ZBTB7C: variants seen among roughly 807,000 people sequenced by gnomAD.
ZBTB7C encodes the protein zinc finger and BTB domain containing 7C.
A neutral mutation model predicts 25.7 loss-of-function variants in ZBTB7C; 8 were observed. The ratio of observed to expected loss-of-function variants is 0.31; its 90% CI spans 0.18 to 0.56. ZBTB7C has a LOEUF of 0.56. ZBTB7C is among the 20% of genes least tolerant of loss of function. The pLI, the probability that ZBTB7C is intolerant of heterozygous loss-of-function variation, is 0.91. For missense variants in ZBTB7C, 824 were observed against 855.2 expected (o/e 0.96, Z 0.46); for synonymous variants, 394 against 369.0 (o/e 1.07, Z -0.78).
intron 2 of ZBTB7C, among the ~76,000 whole-genome samples, chr18:48,208,748 T>C (rs892513002): frequency 6.6e-6 from 1 of 152,218 alleles, no homozygotes; most frequent in Non-Finnish European, 1.5e-5. Context: ...TCAGACTCTG[T>C]GTGGCAGAAG....
At chr18:48,152,015 G>A (rs931680085) in intron 3 of ZBTB7C, among the ~76,000 whole-genome samples, 6 of 152,180 alleles carry the variant, frequency 3.9e-5, no homozygotes, top group African/African-American at 1.4e-4. Flanking sequence ...GAGGATGGGT[G>A]GGACCAGTTG....
At chr18:48,224,289 G>C (rs1200213020) in intron 2 of ZBTB7C, among the ~76,000 whole-genome samples, 5 of 152,152 alleles carry the variant, frequency 3.3e-5, no homozygotes, top group African/African-American at 1.2e-4. Context: ...AGTCCATGAA[G>C]GTCCCAAATC....
At chr18:48,178,234 C>A (rs1318174182) in intron 3 of ZBTB7C, among the ~76,000 whole-genome samples, 1 of 152,208 alleles carries the variant, frequency 6.6e-6, no homozygotes, top group Non-Finnish European at 1.5e-5. Flanking sequence ...TGGAGGGAGG[C>A]AGTGCCCTCT....
intron 1 of ZBTB7C, among the ~76,000 whole-genome samples, chr18:48,365,398 T>C (rs1047847200): frequency 2.9e-4 from 44 of 152,300 alleles, no homozygotes; most frequent in African/African-American, 9.4e-4. Flanking sequence ...CAATACAATA[T>C]AGCAAAGGTA....
At chr18:48,105,549 C>T (rs1420703186) in intron 3 of ZBTB7C, among the ~76,000 whole-genome samples, 1 of 152,134 alleles carries the variant, frequency 6.6e-6, no homozygotes, top group Non-Finnish European at 1.5e-5. Flanking sequence ...ATTCAATATA[C>T]TTTCCAAATG....
intron 3 of ZBTB7C, among the ~76,000 whole-genome samples, chr18:48,154,958 T>C (rs535780104): frequency 1.6e-4 from 25 of 152,320 alleles, no homozygotes; most frequent in African/African-American, 6.0e-4. Flanking sequence ...TCACCAGCAA[T>C]GCCAATCCTC....
chr18:48,282,319 G>T (rs574961352), intron 2 of ZBTB7C, among the ~76,000 whole-genome samples: 1 of 105,898 alleles, frequency 9.4e-6, no homozygotes, highest in South Asian at 4.4e-4. Context: ...TGTGGGGTGG[G>T]GGGAGGGGGG....
chr18:48,097,633 G>A (rs2144592189), intron 3 of ZBTB7C, among the ~76,000 whole-genome samples: 1 of 152,266 alleles, frequency 6.6e-6, no homozygotes, highest in South Asian at 2.1e-4. Context: ...CTGACCTCAG[G>A]TAATCTACCC....
intron 2 of ZBTB7C, among the ~76,000 whole-genome samples, chr18:48,248,779 T>C (rs534059488): frequency 1.3e-5 from 2 of 152,318 alleles, no homozygotes; most frequent in African/African-American, 4.8e-5. Context: ...AAAGAATTAC[T>C]ATCTCTTCTT....
chr18:48,339,827 G>A (rs1489829790), intron 1 of ZBTB7C, among the ~76,000 whole-genome samples: 5 of 152,094 alleles, frequency 3.3e-5, no homozygotes, highest in Non-Finnish European at 5.9e-5. Flanking sequence ...CAAGAATGTG[G>A]AGGCTCCTAG....
intron 1 of ZBTB7C, among the ~76,000 whole-genome samples, chr18:48,344,472 T>C: frequency 6.6e-6 from 1 of 150,826 alleles, no homozygotes; most frequent in East Asian, 1.9e-4. Context: ...GGCTGCAGAG[T>C]GGAGGACGTC....
chr18:48,146,701 TA>T (rs1225857290), intron 3 of ZBTB7C, among the ~76,000 whole-genome samples: 2 of 152,216 alleles, frequency 1.3e-5, no homozygotes, highest in Admixed American at 1.3e-4. Flanking sequence ...AAGGAGATAT[TA>T]AAAAAATTAG....
chr18:48,082,395 G>C (rs536012053), intron 3 of ZBTB7C, among the ~76,000 whole-genome samples: 1 of 152,182 alleles, frequency 6.6e-6, no homozygotes, highest in East Asian at 1.9e-4. Flanking sequence ...CTACATTACC[G>C]AAGTCCTGTT....
At chr18:48,153,521 T>G (rs150378011) in intron 3 of ZBTB7C, among the ~76,000 whole-genome samples, 239 of 152,162 alleles carry the variant, frequency 1.6e-3, no homozygotes, top group African/African-American at 5.4e-3. Flanking sequence ...CTTCCTGCCA[T>G]GGTCCAAAGG....
intron 3 of ZBTB7C, among the ~76,000 whole-genome samples, chr18:48,164,222 C>T (rs140178302): frequency 3.0e-4 from 45 of 152,242 alleles, no homozygotes; most frequent in African/African-American, 8.7e-4. Flanking sequence ...AATCACACCC[C>T]GGGTTATGCA....
At chr18:48,312,117 T>C (rs551290316) in intron 2 of ZBTB7C, among the ~76,000 whole-genome samples, 1 of 152,290 alleles carries the variant, frequency 6.6e-6, no homozygotes, top group African/African-American at 2.4e-5. Flanking sequence ...TCAGGGCACA[T>C]GAAAGGAGGT....
intron 3 of ZBTB7C, among the ~76,000 whole-genome samples, chr18:48,050,017 C>T (rs986420843): frequency 2.0e-5 from 3 of 152,178 alleles, no homozygotes; most frequent in African/African-American, 7.2e-5. Flanking sequence ...GAATTAGTGG[C>T]TGAGGTGGGG....
At chr18:48,284,628 T>C (rs969949639) in intron 2 of ZBTB7C, among the ~76,000 whole-genome samples, 2 of 152,006 alleles carry the variant, frequency 1.3e-5, no homozygotes, top group Non-Finnish European at 2.9e-5. Context: ...ACCGTGTCTC[T>C]ACTAAAAATA....
chr18:48,274,685 A>T (rs2044593161), intron 2 of ZBTB7C, among the ~76,000 whole-genome samples: 1 of 152,214 alleles, frequency 6.6e-6, no homozygotes, highest in East Asian at 1.9e-4. Flanking sequence ...AATTCTGCCA[A>T]GTCTGGCTGT....
Sources: allele counts gnomAD v4.1 joint callset (sites outside exome capture counted in the v4.1 genomes callset), GRCh38; gene constraint gnomAD v4.1.1; transcripts MANE v1.5; gene names NCBI Gene and HGNC (gene_info 2026-07-23, HGNC 2026-07-21).